RGS3: variants seen among roughly 807,000 people sequenced by gnomAD.
RGS3 encodes regulator of G protein signaling 3.
Under a neutral mutation model 132.6 loss-of-function variants are expected in RGS3, and 80 were observed. That is an observed-to-expected ratio of 0.60 (90% CI 0.50 to 0.73). The LOEUF is 0.73. Among genes scored for constraint, RGS3 ranks in the 30% least tolerant of loss-of-function variants. The pLI is 0.00. For missense variants in RGS3, 1,382 were observed against 1,530.8 expected, an observed-to-expected ratio of 0.90 and a Z score of 1.62; for synonymous variants, 598 against 620.6, an observed-to-expected ratio of 0.96 and a Z score of 0.54.
chr9:113,512,018 C>G (rs1831426229), intron 14 of RGS3, among the ~76,000 whole-genome samples: 1 of 152,160 alleles, frequency 6.6e-6, no homozygotes, highest in Admixed American at 6.5e-5. Flanking sequence ...GTGGTACAAT[C>G]CACCAAGCTC....
intron 14 of RGS3, among the ~76,000 whole-genome samples, chr9:113,513,019 A>T (rs1831473711): frequency 6.6e-6 from 1 of 151,962 alleles, no homozygotes; most frequent in Non-Finnish European, 1.5e-5. Context: ...CAACATGGAG[A>T]AACTGTGTCT....
chr9:113,461,664 G>T, intron 1 of RGS3: 1 of 1,586,494 alleles, frequency 6.3e-7, no homozygotes, highest in South Asian at 1.1e-5. Flanking sequence ...TCCCATTACC[G>T]GGTGTAAGTG....
chr9:113,514,901 C>T lies in RGS3; in HGVS notation c.1674+247C>T, dbSNP rs111744554. On this transcript the variant is annotated intron_variant, in intron 15 of 24. Transcript: ENST00000350696. ...GGAAAGGGTCCTCTCCTTCCCCCAC[C>T]TCGCCTCCCCTTTCTCTGGGGAAAG... is the stretch of plus-strand genomic sequence containing the variant. Among the ~76,000 whole-genome samples the T allele has an allele frequency of 7.9e-4, 120 of 152,272 alleles. 2 individuals are homozygous for T. The highest frequency in any genetic ancestry group is 1.7e-3 in the East Asian group (9 of 5,172).
At chr9:113,575,377 G>T (rs1325656361) in intron 19 of RGS3, among the ~76,000 whole-genome samples, 2 of 152,132 alleles carry the variant, frequency 1.3e-5, no homozygotes, top group Non-Finnish European at 2.9e-5. Flanking sequence ...CCCTGCTGTG[G>T]TGTGCCGCCC....
At chr9:113,556,491 A>T (rs1211497571) in intron 19 of RGS3, among the ~76,000 whole-genome samples, 1 of 152,100 alleles carries the variant, frequency 6.6e-6, no homozygotes, top group East Asian at 1.9e-4. Flanking sequence ...TATTATCCTC[A>T]TTTCATAGAT....
intron 19 of RGS3, 45 bp from the exon 18 acceptor site, chr9:113,583,405 G>T: frequency 6.3e-7 from 1 of 1,598,728 alleles, no homozygotes; most frequent in South Asian, 1.1e-5. Context: ...TGGCATCTTG[G>T]AGCCTCCTCT....
At chr9:113,596,883 A>G (rs756375591) in exon 25 of RGS3, 3 of 1,613,762 alleles carry the variant, frequency 1.9e-6, no homozygotes, top group South Asian at 2.2e-5. Flanking sequence ...AAGGACTCGT[A>G]CCCTCGCTTT....
chr9:113,459,061 A>T (rs1829416729), upstream of RGS3, among the ~76,000 whole-genome samples: 1 of 151,938 alleles, frequency 6.6e-6, no homozygotes, highest in African/African-American at 2.4e-5. Context: ...TCTATTGTAT[A>T]TTTTCTATTT....
rs542206274 is a variant in RGS3 at position 113,478,242 on chromosome 9, T to A, written c.416-1249T>A. ...CTCCTCCCTTCCTCCCTGCTCTTTC[T>A]CTTCCTCCCCTCCTTTCTCCTGCCT... On this transcript the variant is annotated intron_variant, in intron 3 of 24. Coordinates refer to ENST00000350696, the Ensembl canonical transcript of RGS3. Among the ~76,000 whole-genome samples the A allele has an allele frequency of 2.6e-5, 4 of 152,238 alleles. No individual in the cohort carries two copies. In the South Asian group the frequency reaches 8.3e-4, roughly 32 times the overall value.
At chr9:113,538,034 A>G (rs1169501660) in intron 19 of RGS3, among the ~76,000 whole-genome samples, 2 of 152,330 alleles carry the variant, frequency 1.3e-5, no homozygotes, top group South Asian at 2.1e-4. Context: ...ACCCTCTACC[A>G]CCAACTGGCA....
chr9:113,536,653 G>C, intron 18 of RGS3, 143 bp from the exon 17 acceptor site: 1 of 1,494,010 alleles, frequency 6.7e-7, no homozygotes, highest in Non-Finnish European at 8.9e-7. Flanking sequence ...CTGGGGATTA[G>C]TGTGCATTTG....
chr9:113,548,597 C>A (rs559682565), intron 19 of RGS3, among the ~76,000 whole-genome samples: 1 of 152,310 alleles, frequency 6.6e-6, no homozygotes, highest in East Asian at 1.9e-4. Flanking sequence ...CCTTCCTCTT[C>A]CTGCCAGGCC....
At chr9:113,516,425 T>G (rs1320633633) in intron 15 of RGS3, among the ~76,000 whole-genome samples, 1 of 151,924 alleles carries the variant, frequency 6.6e-6, no homozygotes, top group Non-Finnish European at 1.5e-5. Flanking sequence ...GGGTGCGATC[T>G]CGGCTCACTG....
intron 1 of RGS3, among the ~76,000 whole-genome samples, chr9:113,450,657 T>A (rs1829219693): frequency 6.6e-6 from 1 of 151,780 alleles, no homozygotes; most frequent in Non-Finnish European, 1.5e-5. Flanking sequence ...TAGGCGTGCA[T>A]GAGCTCTCAG....
At chr9:113,584,086 G>A (rs545264741) in exon 20 of RGS3, 1 of 1,614,220 alleles carries the variant, frequency 6.2e-7, no homozygotes, top group Admixed American at 1.7e-5. Flanking sequence ...GGAGGAGGGG[G>A]AGGAAGGGGA....
At chr9:113,450,130 C>T (rs1045416572) in intron 1 of RGS3, among the ~76,000 whole-genome samples, 20 of 151,512 alleles carry the variant, frequency 1.3e-4, no homozygotes, top group African/African-American at 4.8e-4. Context: ...AGTGCAGTGC[C>T]GTGATCTCGG....
intron 19 of RGS3, among the ~76,000 whole-genome samples, chr9:113,541,040 A>G (rs1832881015): frequency 6.6e-6 from 1 of 152,218 alleles, no homozygotes; most frequent in Non-Finnish European, 1.5e-5. Flanking sequence ...CGGAGCACAT[A>G]TGACAACTGC....
rs759971491 is a variant in RGS3, at chr9:113,594,409, C to G, written c.3081-21C>G. ...CGAGTGGGCCAGGCTGAGCAACCCT[C>G]TTTTCTGCTTCTGTCCCCAGAGCCA... is the stretch of plus-strand genomic sequence containing the variant. On this transcript the variant is annotated intron_variant, in intron 21 of 24. Transcript: ENST00000350696. 15 of 1,612,562 alleles carry G rather than the reference C, an allele frequency of 9.3e-6. No individual in the cohort carries two copies. In the East Asian group the frequency reaches 3.3e-4, roughly 36 times the overall value.
chr9:113,505,431 C>G lies in RGS3; in HGVS notation c.898-11C>G, dbSNP rs753146080. On this transcript the variant is annotated splice_polypyrimidine_tract_variant and intron_variant, in intron 10 of 24. Coordinates refer to ENST00000350696, the Ensembl canonical transcript of RGS3. ...AGCTTCTGGCAGTGACCGGGCAGGG[C>G]TGTGTCCTAGATCACCATCCCGAGG... 6.8e-6 allele frequency: 11 copies of G among 1,613,674 alleles called. No individual in the cohort carries two copies. The highest frequency in any genetic ancestry group is 9.3e-6 in the Non-Finnish European group (11 of 1,179,560).
Sources: allele counts gnomAD v4.1 joint callset (sites outside exome capture counted in the v4.1 genomes callset), GRCh38; gene constraint gnomAD v4.1.1; transcripts MANE v1.5; gene names NCBI Gene and HGNC (gene_info 2026-07-23, HGNC 2026-07-21).